The following AGBL1 variants were observed in gnomAD, a reference collection of about 807,000 sequenced individuals.
AGBL1 encodes the protein AGBL carboxypeptidase 1, also known as cytosolic carboxypeptidase 4.
A neutral mutation model predicts 118.9 loss-of-function variants in AGBL1; 130 were observed. That is an observed-to-expected ratio of 1.09 (90% CI 0.95 to 1.26). AGBL1 has a LOEUF of 1.26. Among genes scored for constraint, AGBL1 ranks in the 50% most tolerant of loss-of-function variants. The pLI, the probability that AGBL1 is intolerant of heterozygous loss-of-function variation, is 0.00. For missense variants in AGBL1, 1,584 were observed against 1,298.1 expected, an observed-to-expected ratio of 1.22 and a Z score of -3.38; for synonymous variants, 555 against 478.9, an observed-to-expected ratio of 1.16 and a Z score of -2.08.
chr15:86,214,511 A>G (rs971706917), intron 5 of AGBL1, among the ~76,000 whole-genome samples: 1 of 152,228 alleles, frequency 6.6e-6, no homozygotes, highest in Admixed American at 6.5e-5. Flanking sequence ...GAATTGTTTA[A>G]GGAAGTTAAA....
In AGBL1 at chr15:87,002,643, C is replaced by T. The variant is rs559245629; in HGVS notation, c.3323+14555C>T. On this transcript the variant is annotated intron_variant, in intron 24 of 24. Coordinates refer to the AGBL1 transcript ENST00000441037. ...TGTTCTTCCATTTGTTTGTGTCCTC[C>T]TTTATTTTGTTGAGCAGTGGTTTGT... 1.1e-4 allele frequency among the ~76,000 whole-genome samples: 16 copies of T among 152,108 alleles called. No individual in the cohort carries two copies. In the East Asian group the frequency reaches 1.2e-3, roughly 11 times the overall value.
At chr15:86,840,976 A>G (rs998416625) in intron 22 of AGBL1, among the ~76,000 whole-genome samples, 4 of 152,214 alleles carry the variant, frequency 2.6e-5, no homozygotes, top group Admixed American at 6.5e-5. Context: ...CCTATGCCAA[A>G]AAAAGTTATC....
chr15:86,270,336 G>A (rs1233601096), intron 14 of AGBL1, among the ~76,000 whole-genome samples: 3 of 152,144 alleles, frequency 2.0e-5, no homozygotes, highest in Non-Finnish European at 2.9e-5. Context: ...GTTGGTGAGC[G>A]TTCTCATTTA....
At chr15:86,754,952 C>T (rs1415143560) in intron 22 of AGBL1, among the ~76,000 whole-genome samples, 1 of 152,046 alleles carries the variant, frequency 6.6e-6, no homozygotes, top group Non-Finnish European at 1.5e-5. Context: ...CCCCGTATCA[C>T]ATTTGGAGCC....
At chr15:86,424,136 A>G (rs11857674) in intron 18 of AGBL1, among the ~76,000 whole-genome samples, 3,781 of 152,300 alleles carry the variant, frequency 0.025, 151 homozygotes, top group African/African-American at 0.086. Flanking sequence ...AATCTATACT[A>G]CAAGGCTACA....
intron 6 of AGBL1, among the ~76,000 whole-genome samples, chr15:86,234,911 C>A (rs1212981736): frequency 6.6e-6 from 1 of 152,126 alleles, no homozygotes; most frequent in Non-Finnish European, 1.5e-5. Context: ...AAATTTGTCT[C>A]CCAAGATCTT....
chr15:86,430,352 G>A (rs2081920089), intron 18 of AGBL1, among the ~76,000 whole-genome samples: 1 of 151,926 alleles, frequency 6.6e-6, no homozygotes, highest in African/African-American at 2.4e-5. Flanking sequence ...AAAATTAGCT[G>A]GTCGCGGTGA....
intron 21 of AGBL1, among the ~76,000 whole-genome samples, chr15:86,658,756 C>A (rs2085497551): frequency 6.6e-6 from 1 of 152,086 alleles, no homozygotes; most frequent in Non-Finnish European, 1.5e-5. Flanking sequence ...TGGCCCATAA[C>A]CCCATTAATA....
At position 86,641,746 on chromosome 15, in the gene AGBL1, G is replaced by A. The variant is rs574999909; in HGVS notation, c.2995-32527G>A. 2.8e-4 allele frequency among the ~76,000 whole-genome samples: 42 copies of A among 151,950 alleles called. No homozygotes were observed. In the South Asian group the frequency reaches 4.0e-3, roughly 14 times the overall value. ...AGCTTGGGCAACATAGTGAGACTCC[G>A]TTTCTGAATTTCAAAAAAAGACCTA... On this transcript the variant is annotated intron_variant, in intron 21 of 22. Transcript: ENST00000614907.
chr15:86,984,954 A>G (rs1453823503), intron 23 of AGBL1, among the ~76,000 whole-genome samples: 1 of 152,022 alleles, frequency 6.6e-6, no homozygotes, highest in East Asian at 1.9e-4. Flanking sequence ...GTTAGTTTGC[A>G]TTTTCTAGGT....
At chr15:86,087,889 A>G (rs549992755) in intron 1 of AGBL1, among the ~76,000 whole-genome samples, 35 of 152,324 alleles carry the variant, frequency 2.3e-4, no homozygotes, top group Non-Finnish European at 3.5e-4. Flanking sequence ...GGAAAGATGG[A>G]GACCCTCACC....
chr15:86,356,001 A>G (rs1324206004), intron 17 of AGBL1, among the ~76,000 whole-genome samples: 1 of 152,196 alleles, frequency 6.6e-6, no homozygotes, highest in African/African-American at 2.4e-5. Flanking sequence ...TGGGATGGAC[A>G]GTCCCCCTAG....
At chr15:86,604,128 G>A (rs1157487541) in intron 21 of AGBL1, among the ~76,000 whole-genome samples, 2 of 150,354 alleles carry the variant, frequency 1.3e-5, no homozygotes, top group Non-Finnish European at 2.9e-5. Flanking sequence ...ACTCATCGGG[G>A]CCACCTCAGC....
At chr15:86,391,205 ATGTC>A (rs1344403036) in intron 17 of AGBL1, among the ~76,000 whole-genome samples, 1 of 152,118 alleles carries the variant, frequency 6.6e-6, no homozygotes, top group Non-Finnish European at 1.5e-5. Flanking sequence ...GGTAAAATTT[ATGTC>A]TGTAAATTAT....
chr15:86,534,250 CT>C (rs146932521), intron 19 of AGBL1, among the ~76,000 whole-genome samples: 4,942 of 151,818 alleles, frequency 0.033, 296 homozygotes, highest in African/African-American at 0.11. Flanking sequence ...CCCATGTGAG[CT>C]TTGATAGGAA....
At chr15:86,764,111 C>A (rs79081951) in intron 22 of AGBL1, among the ~76,000 whole-genome samples, 9,807 of 152,032 alleles carry the variant, frequency 0.065, 387 homozygotes, top group South Asian at 0.13. Context: ...CTTTACCTTT[C>A]TGATCTCTCT....
At chr15:86,436,093 T>C (rs948029347) in intron 18 of AGBL1, among the ~76,000 whole-genome samples, 10 of 136,896 alleles carry the variant, frequency 7.3e-5, no homozygotes, top group South Asian at 2.4e-4. Context: ...TCCTCTCTTT[T>C]TTTTTTTTTT....
At chr15:86,674,475 G>A (rs767022221) in intron 22 of AGBL1, 39 bp downstream of exon 22, 1 of 1,578,764 alleles carries the variant, frequency 6.3e-7, no homozygotes, top group Non-Finnish European at 8.7e-7. Flanking sequence ...TTTGGACCTT[G>A]GTGGTTCCAT....
intron 22 of AGBL1, among the ~76,000 whole-genome samples, chr15:86,859,554 A>C (rs887610942): frequency 3.3e-5 from 5 of 152,146 alleles, no homozygotes; most frequent in Non-Finnish European, 5.9e-5. Context: ...TTTGGGTTCA[A>C]AGGTTGCTAC....
Sources: allele counts gnomAD v4.1 joint callset (sites outside exome capture counted in the v4.1 genomes callset), GRCh38; gene constraint gnomAD v4.1.1; transcripts MANE v1.5; gene names NCBI Gene and HGNC (gene_info 2026-07-23, HGNC 2026-07-21).